The following C10orf90 variants were observed in gnomAD, a reference collection of about 807,000 sequenced individuals.
C10orf90 encodes chromosome 10 open reading frame 90, also known as (E2-independent) E3 ubiquitin-conjugating enzyme FATS.
A neutral mutation model predicts 62.5 loss-of-function variants in C10orf90; 56 were observed. The ratio of observed to expected loss-of-function variants is 0.90; its 90% CI spans 0.72 to 1.12. The LOEUF (loss-of-function observed/expected upper bound fraction) is 1.12. Among genes scored for constraint, C10orf90 ranks in the 50% most tolerant of loss-of-function variants. The pLI, the probability that C10orf90 is intolerant of heterozygous loss-of-function variation, is 0.00. For synonymous variants in C10orf90, 386 were observed against 340.4 expected (o/e 1.13, Z -1.47); for missense variants, 970 against 880.4 (o/e 1.10, Z -1.29).
chr10:126,517,784 T>G (rs1031933870), intron 2 of C10orf90, among the ~76,000 whole-genome samples: 1 of 151,698 alleles, frequency 6.6e-6, no homozygotes, highest in African/African-American at 2.4e-5. Context: ...ATGGTGTGCA[T>G]CTGTATTCCC....
At position 126,425,480 on chromosome 10, in the gene C10orf90, CA is replaced by C. The variant is rs1392890857; in HGVS notation, c.*383del. The C allele has an allele frequency of 2.6e-5, 6 of 229,722 alleles. No individual in the cohort carries two copies. The East Asian group carries it at 4.8e-4, about 18-fold the overall frequency. 14.2% of individuals were successfully genotyped at this position (229,722 alleles called of 1,614,324 possible). A position where few individuals can be genotyped will look rare whatever the true frequency, so the allele number is the denominator to read the frequency against. On this transcript the variant is annotated 3_prime_UTR_variant, in exon 10 of 10. Coordinates refer to ENST00000488181, the MANE Select transcript of C10orf90 (RefSeq NM_001350921.2). ...TTTAAAAGGAGATGGATTTGGATCCCAAAAGTTTGATGTAAAAGATTCCCCA... is the reference window on the plus strand; with the variant it reads ...TTTAAAAGGAGATGGATTTGGATCCCAAAGTTTGATGTAAAAGATTCCCCA...
At chr10:126,545,879 G>A (rs1864478691) in intron 2 of C10orf90, among the ~76,000 whole-genome samples, 1 of 151,996 alleles carries the variant, frequency 6.6e-6, no homozygotes, top group Non-Finnish European at 1.5e-5. Context: ...AAATACCACT[G>A]ATGTTGTTCT....
At chr10:126,460,604 A>G (rs1158026963) in intron 6 of C10orf90, among the ~76,000 whole-genome samples, 1 of 152,202 alleles carries the variant, frequency 6.6e-6, no homozygotes, top group Non-Finnish European at 1.5e-5. Context: ...CTAAAGAGAT[A>G]ACCCCTAGGA....
At chr10:126,491,278 T>C (rs1341602180) in intron 4 of C10orf90, among the ~76,000 whole-genome samples, 1 of 152,168 alleles carries the variant, frequency 6.6e-6, no homozygotes, top group African/African-American at 2.4e-5. Context: ...TCTAGAATAG[T>C]GACAGAAAGA....
At chr10:126,541,370 A>G (rs1406380291) in intron 2 of C10orf90, among the ~76,000 whole-genome samples, 1 of 152,246 alleles carries the variant, frequency 6.6e-6, no homozygotes, top group Non-Finnish European at 1.5e-5. Flanking sequence ...AATTAAAATA[A>G]CAATGTACAT....
At chr10:126,485,860 T>C (rs1200490416) in intron 4 of C10orf90, among the ~76,000 whole-genome samples, 1 of 150,216 alleles carries the variant, frequency 6.7e-6, no homozygotes, top group Non-Finnish European at 1.5e-5. Flanking sequence ...GGCAGGAGAA[T>C]GGCATGAACC....
chr10:126,601,890 C>T (rs1022283574), intron 2 of C10orf90, among the ~76,000 whole-genome samples: 2 of 152,228 alleles, frequency 1.3e-5, no homozygotes, highest in South Asian at 2.1e-4. Flanking sequence ...GGAAAACCCC[C>T]TAAGACATTC....
intron 4 of C10orf90, chr10:126,496,680 C>CGCTCCTCACCCTTTCCTT (rs750856654): frequency 1.8e-5 from 18 of 985,258 alleles, no homozygotes; most frequent in Non-Finnish European, 2.0e-5. Context: ...AGTCTTTCAT[C>CGCTCCTCACCCTTTCCTT]GCTCCTCACC....
chr10:126,615,254 C>A (rs12414630), intron 2 of C10orf90, among the ~76,000 whole-genome samples: 30,811 of 152,086 alleles, frequency 0.2, 3,240 homozygotes, highest in South Asian at 0.34. Flanking sequence ...CCAGGGTCAG[C>A]GGGGAGGAAC....
chr10:126,523,459 C>T (rs1348227926), intron 2 of C10orf90: 1 of 143,224 alleles, frequency 7.0e-6, no homozygotes, highest in Non-Finnish European at 1.5e-5. Context: ...CAAGGAATCC[C>T]TGTCTTGGAA....
rs11245041 is a variant in C10orf90 at position 126,559,966 on chromosome 10, C to T, written c.314-46027G>A. On this transcript the variant is annotated intron_variant, in intron 2 of 9. Coordinates refer to ENST00000488181, the MANE Select transcript of C10orf90 (RefSeq NM_001350921.2). ...TGATAAATAATGTGAAATTAGACAC[C>T]GCGGAGAACTGCATATTTGGCCGTT... Among the ~76,000 whole-genome samples the T allele has an allele frequency of 2.4e-3, 359 of 152,204 alleles. 3 individuals are homozygous for T. In the East Asian group the frequency reaches 0.031, roughly 13 times the overall value.
chr10:126,492,227 C>T (rs59313777), intron 4 of C10orf90, among the ~76,000 whole-genome samples: 43,710 of 152,000 alleles, frequency 0.29, 6,627 homozygotes, highest in East Asian at 0.51. Context: ...TGCCTGGAGA[C>T]ATTTTTGGTT....
intron 7 of C10orf90, among the ~76,000 whole-genome samples, chr10:126,455,643 T>G (rs2134086640): frequency 6.6e-6 from 1 of 152,332 alleles, no homozygotes; most frequent in African/African-American, 2.4e-5. Flanking sequence ...GCATTGTATT[T>G]ATTGGCTCTG....
chr10:126,622,280 T>C (rs749921606), intron 2 of C10orf90, among the ~76,000 whole-genome samples: 1 of 152,118 alleles, frequency 6.6e-6, no homozygotes, highest in Non-Finnish European at 1.5e-5. Flanking sequence ...GCTCGGCTGA[T>C]GAAGAATATT....
At chr10:126,429,666 A>G (rs1857459545) in intron 8 of C10orf90, 121 bp downstream of exon 8, 1 of 757,432 alleles carries the variant, frequency 1.3e-6, no homozygotes, top group East Asian at 2.5e-5. Context: ...TTGCAGCCAA[A>G]AAGACCTCAG....
intron 1 of C10orf90, among the ~76,000 whole-genome samples, chr10:126,668,588 G>C (rs758395267): frequency 6.6e-6 from 1 of 152,220 alleles, no homozygotes; most frequent in Non-Finnish European, 1.5e-5. Flanking sequence ...CAAAAGTCAA[G>C]AGCAGACCTT....
chr10:126,547,437 A>C (rs1864526334), intron 2 of C10orf90, among the ~76,000 whole-genome samples: 2 of 151,316 alleles, frequency 1.3e-5, no homozygotes, highest in South Asian at 4.2e-4. Context: ...AATAAAATAA[A>C]GAGAAAGAAA....
intron 2 of C10orf90, among the ~76,000 whole-genome samples, chr10:126,583,471 C>T (rs1844794877): frequency 6.6e-6 from 1 of 152,166 alleles, no homozygotes; most frequent in Non-Finnish European, 1.5e-5. Flanking sequence ...GGTTTAAAAG[C>T]TCTGAATTTA....
In C10orf90 at chr10:126,557,253, G is replaced by A. The variant is rs749226509; in HGVS notation, c.314-43314C>T. On this transcript the variant is annotated intron_variant, in intron 2 of 9. Transcript: ENST00000488181. ...GCCCAGCACTTTGGGAGGCTGAGGC[G>A]GGCAGATCACGAGGTTGGGAGATTG... 1.3e-3 allele frequency among the ~76,000 whole-genome samples: 190 copies of A among 151,916 alleles called. 2 individuals carry two copies. The highest frequency in any genetic ancestry group is 1.6e-3 in the Non-Finnish European group (106 of 67,946).
Sources: gnomAD v4.1 joint callset for allele counts (sites outside exome capture counted in the v4.1 genomes callset) on GRCh38, gnomAD v4.1.1 for gene constraint, MANE v1.5 for transcripts, NCBI Gene and HGNC (gene_info 2026-07-23, HGNC 2026-07-21) for gene names.